Variants in SORCS1 observed in about 807,000 individuals in gnomAD.
The protein encoded by SORCS1 is VPS10 domain-containing receptor SorCS1.
In SORCS1, 60 loss-of-function variants were observed where a neutral mutation model predicts 146.1. The ratio of observed to expected loss-of-function variants is 0.41; its 90% confidence interval spans 0.33 to 0.51. The LOEUF is 0.51. SORCS1 is among the 20% of genes least tolerant of loss of function. The pLI is 0.21. For synonymous variants in SORCS1, 637 were observed against 584.0 expected (o/e 1.09, Z -1.31); for missense variants, 1,352 against 1,487.6 (o/e 0.91, Z 1.50).
intron 1 of SORCS1, among the ~76,000 whole-genome samples, chr10:107,041,007 G>A (rs1014501538): frequency 4.6e-5 from 7 of 151,898 alleles, no homozygotes; most frequent in Non-Finnish European, 8.8e-5. Flanking sequence ...GCCTATTATT[G>A]ACAAAATCAT....
chr10:106,824,190 G>A (rs969716405), intron 3 of SORCS1, among the ~76,000 whole-genome samples: 3 of 151,678 alleles, frequency 2.0e-5, no homozygotes, highest in African/African-American at 7.3e-5. Context: ...TTTAGTCCCA[G>A]CTACTCAGGA....
chr10:107,144,768 A>G (rs909602484), intron 1 of SORCS1, among the ~76,000 whole-genome samples: 1 of 152,252 alleles, frequency 6.6e-6, no homozygotes, highest in African/African-American at 2.4e-5. Context: ...CAGCTTTGCT[A>G]GAACCTATCA....
chr10:106,675,015 T>C, intron 14 of SORCS1, 34 bp downstream of exon 14: 6 of 1,524,902 alleles, frequency 3.9e-6, no homozygotes, highest in Non-Finnish European at 5.4e-6. Context: ...CTCTTTTCTA[T>C]GAAGGCTGGA....
chr10:106,729,936 C>A, intron 6 of SORCS1, 114 bp downstream of exon 6: 1 of 1,281,502 alleles, frequency 7.8e-7, no homozygotes. Flanking sequence ...CCTCAGAAAC[C>A]ACACATCCAC....
intron 8 of SORCS1, among the ~76,000 whole-genome samples, chr10:106,704,627 T>G (rs959195715): frequency 4.0e-5 from 6 of 151,132 alleles, no homozygotes; most frequent in Non-Finnish European, 7.4e-5. Flanking sequence ...GAGGTGGAGG[T>G]TGCAGTGAGC....
At chr10:106,606,049 C>A (rs1044955250) in intron 23 of SORCS1, among the ~76,000 whole-genome samples, 1 of 152,136 alleles carries the variant, frequency 6.6e-6, no homozygotes, top group African/African-American at 2.4e-5. Flanking sequence ...TATTTTTAAT[C>A]TATTTACCTG....
intron 5 of SORCS1, among the ~76,000 whole-genome samples, chr10:106,756,712 C>T (rs1283336863): frequency 6.6e-6 from 1 of 152,164 alleles, no homozygotes; most frequent in Non-Finnish European, 1.5e-5. Flanking sequence ...CAGCTCAATA[C>T]TCCCATACAC....
intron 14 of SORCS1, 130 bp downstream of exon 14, chr10:106,674,919 G>A (rs925053363): frequency 7.9e-6 from 5 of 635,978 alleles, no homozygotes; most frequent in African/African-American, 3.7e-5. Flanking sequence ...CCTATTTGCT[G>A]TACACTCTTG....
chr10:106,761,127 C>T (rs1013391247), intron 5 of SORCS1, among the ~76,000 whole-genome samples: 2 of 151,786 alleles, frequency 1.3e-5, no homozygotes, highest in African/African-American at 4.8e-5. Context: ...AAATAAATAA[C>T]AAGGAGAAGG....
chr10:106,994,226 C>A (rs1264124493), intron 1 of SORCS1, among the ~76,000 whole-genome samples: 1 of 152,106 alleles, frequency 6.6e-6, no homozygotes, highest in Non-Finnish European at 1.5e-5. Context: ...TACTGAAATT[C>A]TCTTACCTAC....
intron 2 of SORCS1, among the ~76,000 whole-genome samples, chr10:106,908,884 C>T (rs1355584037): frequency 3.9e-5 from 6 of 152,314 alleles, no homozygotes; most frequent in African/African-American, 1.4e-4. Context: ...TCAGCCTCCA[C>T]CACCCAATTT....
intron 2 of SORCS1, among the ~76,000 whole-genome samples, chr10:106,924,817 T>C (rs1240564848): frequency 1.3e-5 from 2 of 151,836 alleles, no homozygotes; most frequent in South Asian, 2.1e-4. Context: ...AATTAATGCT[T>C]TTCATCTTGA....
chr10:106,730,539 A>G (rs1856521434), intron 5 of SORCS1, among the ~76,000 whole-genome samples: 1 of 152,136 alleles, frequency 6.6e-6, no homozygotes, highest in Non-Finnish European at 1.5e-5. Context: ...AATTTGCCAA[A>G]CCACCTACGA....
chr10:106,938,984 A>C (rs1047379762), intron 2 of SORCS1, among the ~76,000 whole-genome samples: 7 of 152,202 alleles, frequency 4.6e-5, no homozygotes, highest in Admixed American at 2.6e-4. Context: ...TGTTTTTGTA[A>C]CCCTAAAGGG....
chr10:107,087,380 G>A (rs1241531622), intron 1 of SORCS1, among the ~76,000 whole-genome samples: 1 of 152,032 alleles, frequency 6.6e-6, no homozygotes, highest in Non-Finnish European at 1.5e-5. Flanking sequence ...TAGTGTTCCT[G>A]GAGAAACATG....
chr10:106,597,901 A>G (rs916166812), intron 23 of SORCS1, among the ~76,000 whole-genome samples: 18 of 152,234 alleles, frequency 1.2e-4, no homozygotes, highest in African/African-American at 4.3e-4. Flanking sequence ...TATGGTAAAT[A>G]TAGTTCTGCT....
At chr10:106,652,843 GC>G (rs749905444) in intron 17 of SORCS1, among the ~76,000 whole-genome samples, 4 of 152,120 alleles carry the variant, frequency 2.6e-5, no homozygotes, top group Non-Finnish European at 5.9e-5. Flanking sequence ...AGAAGATATA[GC>G]CCCTACTCTC....
intron 8 of SORCS1, among the ~76,000 whole-genome samples, chr10:106,704,197 T>C (rs574253636): frequency 3.2e-4 from 49 of 152,294 alleles, no homozygotes; most frequent in African/African-American, 1.1e-3. Flanking sequence ...CTTAAGTCAA[T>C]GGGATTTTCT....
chr10:107,076,779 T>C (rs922647773), intron 1 of SORCS1, among the ~76,000 whole-genome samples: 3 of 152,150 alleles, frequency 2.0e-5, no homozygotes, highest in Non-Finnish European at 1.5e-5. Context: ...TGGAGTTTAC[T>C]TTTCTGAGGT....
Sources: gnomAD v4.1 joint callset for allele counts (sites outside exome capture counted in the v4.1 genomes callset) on GRCh38, gnomAD v4.1.1 for gene constraint, MANE v1.5 for transcripts, NCBI Gene and HGNC (gene_info 2026-07-23, HGNC 2026-07-21) for gene names.